The following BMP5 variants were observed in gnomAD, a reference collection of about 807,000 sequenced individuals.
BMP5 encodes bone morphogenetic protein 5.
A neutral mutation model predicts 46.6 loss-of-function variants in BMP5; 23 were observed. That is an observed-to-expected ratio of 0.49 (90% confidence interval 0.35 to 0.70). The LOEUF is 0.70. BMP5 is among the 30% of genes least tolerant of loss of function. BMP5 has a pLI of 0.00. For missense variants in BMP5, 545 were observed against 565.6 expected (o/e 0.96, Z 0.37); for synonymous variants, 204 against 191.9 (o/e 1.06, Z -0.52).
chr6:55,802,709 T>C (rs1481724658), intron 2 of BMP5, among the ~76,000 whole-genome samples: 1 of 152,064 alleles, frequency 6.6e-6, no homozygotes, highest in East Asian at 1.9e-4. Context: ...AATATATTTA[T>C]GTTTTTGTAT....
chr6:55,847,171 G>A (rs1403152915), intron 1 of BMP5, among the ~76,000 whole-genome samples: 1 of 151,846 alleles, frequency 6.6e-6, no homozygotes, highest in Non-Finnish European at 1.5e-5. Flanking sequence ...CTTAGAAAGT[G>A]GTGGAACTGA....
chr6:55,766,505 T>C (rs1188143574), intron 4 of BMP5, among the ~76,000 whole-genome samples: 1 of 152,084 alleles, frequency 6.6e-6, no homozygotes, highest in Non-Finnish European at 1.5e-5. Flanking sequence ...CCTTATCCAG[T>C]GTGTTTTGGT....
chr6:55,816,603 T>C (rs1401092460), intron 2 of BMP5, among the ~76,000 whole-genome samples: 3 of 152,114 alleles, frequency 2.0e-5, no homozygotes, highest in Non-Finnish European at 4.4e-5. Flanking sequence ...GTAGTCAGTG[T>C]TAAAGTTGAG....
In BMP5 at chr6:55,775,487, T is replaced by A. The variant is rs965872822; in HGVS notation, c.833-1244A>T. On this transcript the variant is annotated intron_variant, in intron 3 of 6. Coordinates refer to ENST00000370830, the MANE Select transcript of BMP5 (RefSeq NM_021073.4). Reference sequence around the variant, plus strand: ...ATGATATTTAACCTTAAATTGTAAATTTGGTTAAGAATTATGTATATCTTA... The same window carrying A: ...ATGATATTTAACCTTAAATTGTAAAATTGGTTAAGAATTATGTATATCTTA... Among the ~76,000 whole-genome samples the A allele has an allele frequency of 2.0e-5, 3 of 151,910 alleles. No individual in the cohort carries two copies. The South Asian group carries it at 6.2e-4, about 31-fold the overall frequency.
intron 2 of BMP5, among the ~76,000 whole-genome samples, 185 bp downstream of exon 2, chr6:55,819,470 T>C (rs1776356562): frequency 6.6e-6 from 1 of 152,166 alleles, no homozygotes; most frequent in African/African-American, 2.4e-5. Flanking sequence ...GGAGCAGCTC[T>C]GGAATGTAGG....
intron 2 of BMP5, among the ~76,000 whole-genome samples, chr6:55,815,210 G>C (rs1206725478): frequency 6.7e-6 from 1 of 150,094 alleles, no homozygotes; most frequent in Non-Finnish European, 1.5e-5. Flanking sequence ...AAAATAATTA[G>C]TAAAACATTC....
At chr6:55,867,214 C>CA (rs1388259540) in intron 1 of BMP5, among the ~76,000 whole-genome samples, 1 of 152,072 alleles carries the variant, frequency 6.6e-6, no homozygotes, top group African/African-American at 2.4e-5. Context: ...CTGTATCCCC[C>CA]CCGCTGAGTA....
At chr6:55,844,818 AG>A (rs1490989809) in intron 1 of BMP5, among the ~76,000 whole-genome samples, 1 of 152,012 alleles carries the variant, frequency 6.6e-6, no homozygotes, top group Non-Finnish European at 1.5e-5. Context: ...AAACTTATCT[AG>A]AAAAAAAGTA....
chr6:55,759,873 C>T (rs1471631640), intron 5 of BMP5, among the ~76,000 whole-genome samples: 1 of 151,732 alleles, frequency 6.6e-6, no homozygotes, highest in Non-Finnish European at 1.5e-5. Flanking sequence ...TAGTATTTCT[C>T]AATACAGGAA....
intron 1 of BMP5, among the ~76,000 whole-genome samples, chr6:55,833,936 A>G (rs917673695): frequency 6.6e-6 from 1 of 152,188 alleles, no homozygotes. Context: ...CAGTTATGAG[A>G]TATTATGCAA....
intron 2 of BMP5, among the ~76,000 whole-genome samples, chr6:55,813,577 C>T (rs1776184707): frequency 1.3e-5 from 2 of 151,860 alleles, no homozygotes; most frequent in South Asian, 4.1e-4. Context: ...ATCACGAGGT[C>T]AGGAGACTGA....
intron 1 of BMP5, among the ~76,000 whole-genome samples, chr6:55,824,722 C>CTTGTGTTTGT (rs2127540265): frequency 6.6e-6 from 1 of 151,888 alleles, no homozygotes; most frequent in African/African-American, 2.4e-5. Context: ...GTAACAAACA[C>CTTGTGTTTGT]TTGTGTCAAT....
intron 1 of BMP5, among the ~76,000 whole-genome samples, chr6:55,825,406 A>G (rs1012469869): frequency 1.3e-5 from 2 of 151,910 alleles, no homozygotes; most frequent in Non-Finnish European, 2.9e-5. Context: ...GATGTAAAAT[A>G]TGAATCAAAT....
At chr6:55,832,926 C>T (rs552151253) in intron 1 of BMP5, among the ~76,000 whole-genome samples, 1 of 151,858 alleles carries the variant, frequency 6.6e-6, no homozygotes, top group East Asian at 1.9e-4. Flanking sequence ...GCTTGTGCAA[C>T]ATAGCAAGAC....
intron 2 of BMP5, among the ~76,000 whole-genome samples, chr6:55,799,560 C>T (rs1775794107): frequency 6.6e-6 from 1 of 152,132 alleles, no homozygotes; most frequent in African/African-American, 2.4e-5. Flanking sequence ...AAAGCTAATC[C>T]ACTCTATTGG....
intron 2 of BMP5, among the ~76,000 whole-genome samples, chr6:55,800,022 T>TA (rs1028849654): frequency 2.0e-5 from 3 of 152,080 alleles, no homozygotes; most frequent in African/African-American, 4.8e-5. Context: ...AAATAAATGC[T>TA]AAAAAACAAC....
At chr6:55,794,744 G>GTTTTAAGTAGTACTTAATCCTTTGTTT (rs1775664743) in intron 2 of BMP5, among the ~76,000 whole-genome samples, 1 of 152,150 alleles carries the variant, frequency 6.6e-6, no homozygotes, top group African/African-American at 2.4e-5. Flanking sequence ...ACCACCATCT[G>GTTTTAAGTAGTACTTAATCCTTTGTTT]TAAGTAGTCC....
At chr6:55,760,331 T>C in intron 5 of BMP5, 126 bp downstream of exon 5, 1 of 809,066 alleles carries the variant, frequency 1.2e-6, no homozygotes, top group South Asian at 1.5e-5. Context: ...GAATAAGCCA[T>C]ATTCTAAATG....
chr6:55,873,205 C>T (rs1251058219), intron 1 of BMP5, among the ~76,000 whole-genome samples: 1 of 151,896 alleles, frequency 6.6e-6, no homozygotes, highest in Non-Finnish European at 1.5e-5. Flanking sequence ...GATAATCTGA[C>T]TTTTCAAAGA....
Sources: allele counts gnomAD v4.1 joint callset (sites outside exome capture counted in the v4.1 genomes callset), GRCh38; gene constraint gnomAD v4.1.1; transcripts MANE v1.5; gene names NCBI Gene and HGNC (gene_info 2026-07-23, HGNC 2026-07-21).